Variants in CFAP47 observed in about 807,000 individuals in gnomAD.
CFAP47 encodes the protein cilia- and flagella-associated protein 47.
CFAP47 carries 29 observed loss-of-function variants against 148.1 expected under a neutral mutation model. The ratio of observed to expected loss-of-function variants is 0.20; its 90% confidence interval spans 0.15 to 0.27. The LOEUF (loss-of-function observed/expected upper bound fraction) is 0.27. CFAP47 is among the 10% of genes least tolerant of loss of function. The probability of loss-of-function intolerance (pLI) is 1.00; values close to 1 mark genes in which losing one functional copy is unlikely to be tolerated. For synonymous variants in CFAP47, 664 were observed against 577.3 expected (o/e 1.15, Z -2.15); for missense variants, 1,872 against 1,697.5 (o/e 1.10, Z -1.81).
At chrX:35,993,104 G>A in intron 17 of CFAP47, 86 bp from the exon 18 acceptor site, 1 of 273,515 alleles carries the variant, frequency 3.7e-6, no homozygotes, top group Non-Finnish European at 6.5e-6. Context: ...TTCTCTCTAG[G>A]TAGTGGCATG....
At chrX:36,336,206 GTC>G (rs1335493877) in intron 57 of CFAP47, among the ~76,000 whole-genome samples, 1 of 94,561 alleles carries the variant, frequency 1.1e-5, no homozygotes, top group Admixed American at 1.2e-4. Context: ...CTGTCTGTCT[GTC>G]TCTCTGTCTC....
At chrX:36,073,848 G>A (rs1415587791) in intron 29 of CFAP47, among the ~76,000 whole-genome samples, 2 of 111,821 alleles carry the variant, frequency 1.8e-5, no homozygotes, top group Non-Finnish European at 3.8e-5. Flanking sequence ...CAACTGTTTT[G>A]ATTATATCAA....
intron 35 of CFAP47, chrX:36,144,470 TTTATCTA>T (rs1939196797): frequency 1.2e-6 from 1 of 863,188 alleles, no homozygotes. Context: ...TTTTTATATT[TTTATCTA>T]TTATCTTATT....
chrX:35,920,818 C>G (rs1310427730), intron 1 of CFAP47, among the ~76,000 whole-genome samples: 6 of 110,887 alleles, frequency 5.4e-5, no homozygotes, highest in Non-Finnish European at 9.5e-5. Context: ...AAGAGATATT[C>G]CTAATAAAAA....
At chrX:36,021,903 C>G (rs907946412) in intron 22 of CFAP47, 7 of 111,335 alleles carry the variant, frequency 6.3e-5, no homozygotes, top group African/African-American at 2.3e-4. Flanking sequence ...TTTTCTTTAT[C>G]CAGTATATCA....
Position 35,951,304 on chromosome X carries a change from C to G in CFAP47, c.830C>G (p.Pro277Arg), listed in dbSNP as rs1225454868. The stretch of plus-strand genomic sequence containing the variant: ...CATGCACGTGTATACAATAATAGCC[C>G]AGAGCCCATAAATTGGGTGGCCATC... ...IKHARVYNNSPEPINWVAIIQ... is the reference protein window; with the variant it reads ...IKHARVYNNSREPINWVAIIQ... Residue 277 changes from proline to arginine, a missense_variant, in exon 5 of 64, where the codon CCA becomes CGA. Pro to Arg is a moderately radical substitution (Grantham distance 103). Transcript: ENST00000378653. The G allele has an allele frequency of 2.5e-6, 3 of 1,210,200 alleles. No individual in the cohort carries two copies. In the Admixed American group the frequency reaches 6.5e-5, roughly 26 times the overall value.
intron 26 of CFAP47, among the ~76,000 whole-genome samples, chrX:36,050,057 C>CA (rs1379515494): frequency 5.4e-5 from 6 of 111,824 alleles, no homozygotes; most frequent in Admixed American, 4.8e-4. Flanking sequence ...GAGGCCTCCC[C>CA]AGCCATGTGG....
At chrX:36,079,921 A>G (rs976537607) in intron 29 of CFAP47, among the ~76,000 whole-genome samples, 1 of 111,909 alleles carries the variant, frequency 8.9e-6, no homozygotes, top group Non-Finnish European at 1.9e-5. Context: ...AAGCCAAAAT[A>G]GACAAATGGG....
chrX:35,953,181 T>C (rs898695643), intron 6 of CFAP47, among the ~76,000 whole-genome samples: 2 of 112,340 alleles, frequency 1.8e-5, no homozygotes, highest in Admixed American at 9.5e-5. Context: ...ACTTAGTACA[T>C]TGGGGAAGAC....
intron 44 of CFAP47, among the ~76,000 whole-genome samples, chrX:36,203,361 T>C (rs1446048201): frequency 3.6e-5 from 4 of 111,829 alleles, no homozygotes; most frequent in African/African-American, 1.3e-4. Flanking sequence ...CAATTCATTT[T>C]CTTCATTATT....
intron 48 of CFAP47, among the ~76,000 whole-genome samples, chrX:36,245,067 A>G (rs1270805846): frequency 2.7e-5 from 3 of 112,315 alleles, no homozygotes; most frequent in Admixed American, 1.9e-4. Flanking sequence ...ACACAAATCA[A>G]TAAATGTCAT....
intron 26 of CFAP47, among the ~76,000 whole-genome samples, chrX:36,060,709 A>G (rs1399775800): frequency 9.0e-6 from 1 of 111,447 alleles, no homozygotes; most frequent in Admixed American, 9.6e-5. Context: ...GGGATTTAGA[A>G]CCTAAAGTCT....
At chrX:35,971,815 T>C in intron 12 of CFAP47, 43 bp downstream of exon 12, 1 of 1,188,115 alleles carries the variant, frequency 8.4e-7, no homozygotes. Flanking sequence ...CGAGAATTCT[T>C]AAAATAGCTT....
intron 49 of CFAP47, among the ~76,000 whole-genome samples, chrX:36,263,075 A>G (rs1008374005): frequency 8.0e-5 from 9 of 111,958 alleles, no homozygotes; most frequent in Admixed American, 1.9e-4. Flanking sequence ...AGTTTTTTAT[A>G]GAGTTGTTTG....
intron 3 of CFAP47, among the ~76,000 whole-genome samples, chrX:35,941,653 T>G (rs6632413): frequency 0.17 from 18,555 of 110,595 alleles, 1,199 homozygotes; most frequent in South Asian, 0.24. Context: ...GGAGGCAGGA[T>G]AGTGTCAGAG....
chrX:35,957,436 C>T (rs1251716937), intron 8 of CFAP47, among the ~76,000 whole-genome samples: 4 of 111,410 alleles, frequency 3.6e-5, no homozygotes, highest in African/African-American at 1.3e-4. Context: ...CTTCCAATTG[C>T]AATTAAGAAC....
At chrX:36,174,327 A>G (rs1488955786) in intron 39 of CFAP47, among the ~76,000 whole-genome samples, 3 of 109,775 alleles carry the variant, frequency 2.7e-5, no homozygotes, top group Non-Finnish European at 5.7e-5. Context: ...TTATGTGTGA[A>G]TTTGATCCTG....
chrX:36,187,343 G>A (rs1308179581), intron 40 of CFAP47, among the ~76,000 whole-genome samples: 1 of 111,737 alleles, frequency 8.9e-6, no homozygotes, highest in Non-Finnish European at 1.9e-5. Flanking sequence ...GTAAAGACAA[G>A]GAAAAAGATA....
At chrX:35,924,006 T>C (rs1054383362) in intron 1 of CFAP47, among the ~76,000 whole-genome samples, 12 of 102,256 alleles carry the variant, frequency 1.2e-4, no homozygotes, top group Admixed American at 8.4e-4. Context: ...TGTGTATATG[T>C]GTAAATATAT....
Sources: gnomAD v4.1 joint callset for allele counts (sites outside exome capture counted in the v4.1 genomes callset) on GRCh38, gnomAD v4.1.1 for gene constraint, MANE v1.5 for transcripts, NCBI Gene and HGNC (gene_info 2026-07-23, HGNC 2026-07-21) for gene names.